CEP63: variants seen among roughly 807,000 people sequenced by gnomAD.
CEP63 encodes centrosomal protein of 63 kDa.
In CEP63, 84 loss-of-function variants were observed where a neutral mutation model predicts 89.1. The ratio of observed to expected loss-of-function variants is 0.94; its 90% CI spans 0.79 to 1.13. The LOEUF (loss-of-function observed/expected upper bound fraction) is 1.13, where lower values mean the gene tolerates loss of function less well. Ranked by LOEUF, CEP63 falls within the 50% of genes most tolerant of loss-of-function variation. CEP63 has a pLI of 0.00. For missense variants in CEP63, 838 were observed against 813.3 expected, an observed-to-expected ratio of 1.03 and a Z score of -0.37; for synonymous variants, 267 against 272.5, an observed-to-expected ratio of 0.98 and a Z score of 0.20.
downstream of CEP63, among the ~76,000 whole-genome samples, chr3:134,566,552 G>A (rs188881376): frequency 3.8e-3 from 584 of 152,210 alleles, 4 homozygotes; most frequent in Non-Finnish European, 6.1e-3. Flanking sequence ...GAATTTTAAA[G>A]TGCAGTTGAA....
Position 134,526,459 on chromosome 3 carries a change from C to T in CEP63, c.223-5386C>T, listed in dbSNP as rs149962094. Among the ~76,000 whole-genome samples the T allele has an allele frequency of 9.7e-3, 1,471 of 152,238 alleles. 8 individuals carry two copies. Among genetic ancestry groups the T allele is most frequent in the Non-Finnish European group, 0.011 (775 of 68,016 alleles). On this transcript the variant is annotated intron_variant, in intron 3 of 14. Transcript: ENST00000675561. ...CTTTTCAGCTCTATCAGGTTGCTTACATTCTTCTCTATACTGCCGATTTTG... is the reference window on the plus strand; with the variant it reads ...CTTTTCAGCTCTATCAGGTTGCTTATATTCTTCTCTATACTGCCGATTTTG...
downstream of CEP63, among the ~76,000 whole-genome samples, chr3:134,578,956 C>T (rs2110321002): frequency 6.6e-6 from 1 of 152,258 alleles, no homozygotes; most frequent in Middle Eastern, 3.4e-3. Flanking sequence ...CATGGTTTCA[C>T]CATGTTGGCT....
At chr3:134,646,363 C>T in the CEP63 span, among the ~76,000 whole-genome samples, 1 of 152,014 alleles carries the variant, frequency 6.6e-6, no homozygotes, top group African/African-American at 2.4e-5. Context: ...AGGACTCTTA[C>T]CAAAGGCAGG....
At position 134,546,136 on chromosome 3, in the gene CEP63, G is replaced by T; in HGVS notation, c.790-13G>T. On this transcript the variant is annotated splice_polypyrimidine_tract_variant and intron_variant, in intron 7 of 14. Transcript: ENST00000675561. ...AAGAAGGAAAATTATAATCATATTT[G>T]ACTTTTTTGCAGGCTCTGCAGGAAG... 6.2e-7 allele frequency: 1 copy of T among 1,613,182 alleles called. No individual in the cohort carries two copies. The highest frequency in any genetic ancestry group is 1.1e-5 in the South Asian group (1 of 90,744).
intron 2 of CEP63, among the ~76,000 whole-genome samples, chr3:134,506,641 G>A (rs557531008): frequency 3.9e-5 from 6 of 152,056 alleles, no homozygotes; most frequent in Admixed American, 2.6e-4. Flanking sequence ...AGCTCAGGCC[G>A]GGCACGGTGG....
the CEP63 span, among the ~76,000 whole-genome samples, chr3:134,769,984 A>G: frequency 1.3e-5 from 2 of 152,218 alleles, no homozygotes; most frequent in Non-Finnish European, 2.9e-5. Flanking sequence ...TCATGCCCAG[A>G]GCTTTCTCCC....
chr3:134,585,812 AT>A (rs200791988), intron 10 of CEP63, among the ~76,000 whole-genome samples: 11,132 of 152,078 alleles, frequency 0.073, 578 homozygotes, highest in Non-Finnish European at 0.11. Flanking sequence ...TCCCATTATT[AT>A]TGTGTGGGAG....
At chr3:134,700,380 A>G in the CEP63 span, among the ~76,000 whole-genome samples, 3 of 152,162 alleles carry the variant, frequency 2.0e-5, no homozygotes, top group Non-Finnish European at 2.9e-5. Flanking sequence ...TTTTATTTTT[A>G]TAAAAGTAAT....
the CEP63 span, chr3:134,650,709 G>T: frequency 1.0e-6 from 1 of 969,860 alleles, no homozygotes; most frequent in Non-Finnish European, 1.5e-6. Context: ...GGGGGAGAGG[G>T]TCGGGTTCGC....
the CEP63 span, among the ~76,000 whole-genome samples, chr3:134,729,868 T>C: frequency 3.3e-5 from 5 of 152,212 alleles, no homozygotes; most frequent in Middle Eastern, 3.4e-3. Flanking sequence ...AGGTGGGAGT[T>C]CTAGGATGTC....
At chr3:134,595,885 T>C in the CEP63 span, among the ~76,000 whole-genome samples, 1 of 152,308 alleles carries the variant, frequency 6.6e-6, no homozygotes, top group African/African-American at 2.4e-5. Flanking sequence ...AGCATTACTT[T>C]CCAATATATC....
the CEP63 span, chr3:134,603,080 C>T: frequency 6.5e-6 from 1 of 152,710 alleles, no homozygotes; most frequent in Non-Finnish European, 1.5e-5. Context: ...GTCCAAGATT[C>T]CCTGGGGGCT....
intron 12 of CEP63, among the ~76,000 whole-genome samples, chr3:134,557,865 C>A (rs182240752): frequency 1.4e-4 from 21 of 152,186 alleles, no homozygotes; most frequent in African/African-American, 4.6e-4. Context: ...TTTCTGATTC[C>A]CTCTTACAGC....
chr3:134,715,737 A>G, the CEP63 span, among the ~76,000 whole-genome samples: 1 of 151,998 alleles, frequency 6.6e-6, no homozygotes, highest in Non-Finnish European at 1.5e-5. Flanking sequence ...GGTAGAAGGA[A>G]GCTCACAATT....
the CEP63 span, among the ~76,000 whole-genome samples, chr3:134,614,292 T>G: frequency 6.6e-6 from 1 of 152,184 alleles, no homozygotes; most frequent in East Asian, 1.9e-4. Context: ...AGGAGATTTA[T>G]TTAATGACCT....
chr3:134,608,165 T>C, the CEP63 span: 1 of 1,159,846 alleles, frequency 8.6e-7, no homozygotes, highest in Non-Finnish European at 1.1e-6. Context: ...TGAGGCCATG[T>C]ATTCTCTCCA....
At chr3:134,532,745 A>G in intron 4 of CEP63, 33 bp from the exon 5 acceptor site, 1 of 1,568,508 alleles carries the variant, frequency 6.4e-7, no homozygotes. Flanking sequence ...ACAAATTCTT[A>G]AACTTTAAAT....
In CEP63 at chr3:134,545,685, A is replaced by G. The variant is rs1290728111; in HGVS notation, c.655A>G (p.Thr219Ala). Residue 219 changes from threonine (T) to alanine (A), a missense_variant, in exon 7 of 15, where the codon ACT becomes GCT. Thr to Ala is a moderately conservative substitution (Grantham distance 58). Transcript: ENST00000675561. ...LSSKLERAND[T>A]ICANELEIER... ...CAGTAAACTGGAGCGGGCTAATGAC[A>G]CTATCTGTGCCAATGAGTTGGAAAT... The G allele has an allele frequency of 1.2e-6, 2 of 1,614,084 alleles. No homozygotes were observed. Among genetic ancestry groups the G allele is most frequent in the South Asian group, 1.1e-5 (1 of 91,080 alleles).
At chr3:134,597,536 C>T in the CEP63 span, among the ~76,000 whole-genome samples, 95,865 of 152,098 alleles carry the variant, frequency 0.63, 30,720 homozygotes, top group East Asian at 0.87. Flanking sequence ...GTGCAGGTCG[C>T]GGAGAGACTC....
Sources: gnomAD v4.1 joint callset for allele counts (sites outside exome capture counted in the v4.1 genomes callset) on GRCh38, gnomAD v4.1.1 for gene constraint, MANE v1.5 for transcripts, NCBI Gene and HGNC (gene_info 2026-07-23, HGNC 2026-07-21) for gene names.